Variants in FERMT3 observed in about 807,000 individuals in gnomAD.
The protein encoded by FERMT3 is FERM domain containing kindlin 3.
A neutral mutation model predicts 80.8 loss-of-function variants in FERMT3; 33 were observed. That is an observed-to-expected ratio of 0.41 (90% CI 0.31 to 0.55). The LOEUF is 0.55. Among genes scored for constraint, FERMT3 ranks in the 20% least tolerant of loss-of-function variants. The pLI, the probability that FERMT3 is intolerant of heterozygous loss-of-function variation, is 0.31. For synonymous variants in FERMT3, 375 were observed against 372.2 expected (o/e 1.01, Z -0.09); for missense variants, 754 against 908.7 (o/e 0.83, Z 2.19).
In FERMT3 at chr11:64,220,510, C is replaced by T. The variant is rs1431809719; in HGVS notation, c.1386C>T (p.Tyr462=). Residue 462 remains tyrosine (Y), a synonymous_variant, in exon 12 of 15, where the codon TAC becomes TAT. Coordinates refer to ENST00000345728, the MANE Select transcript of FERMT3 (RefSeq NM_031471.6). ...GCCGCACCATGGCCGACAGCAGCTA[C>T]ACCAGCGAGGTGCAGGCCATCCTGG... is the stretch of plus-strand genomic sequence containing the variant. ...SKGRTMADSS[Y]TSEVQAILAF... is the part of the protein sequence containing the mutation. 1.2e-6 allele frequency: 2 copies of T among 1,608,046 alleles called. No homozygotes were observed. Among genetic ancestry groups the T allele is most frequent in the Non-Finnish European group, 1.7e-6 (2 of 1,177,754 alleles).
chr11:64,220,830 T>C (rs1946665344), intron 12 of FERMT3, 161 bp downstream of exon 12: 1 of 1,306,038 alleles, frequency 7.7e-7, no homozygotes, highest in South Asian at 1.3e-5. Context: ...TTGGGAGGAG[T>C]CACGGTCCAG....
Position 64,221,167 on chromosome 11 carries a change from C to T in FERMT3, c.1670+27C>T, listed in dbSNP as rs373461677. 3.1e-5 allele frequency: 49 copies of T among 1,601,684 alleles called. No individual in the cohort carries two copies. In the African/African-American group the frequency reaches 6.3e-4, roughly 21 times the overall value. On this transcript the variant is annotated intron_variant, in intron 13 of 14. Coordinates refer to ENST00000345728, the MANE Select transcript of FERMT3 (RefSeq NM_031471.6). ...TATGGCCCCTGGCCCAGCCCCCTGC[C>T]CAGCACCGTCTCTGCCCTCACCTGC... is the stretch of plus-strand genomic sequence containing the variant.
chr11:64,218,056 T>G (rs1591036252), intron 6 of FERMT3, among the ~76,000 whole-genome samples: 2 of 142,360 alleles, frequency 1.4e-5, no homozygotes, highest in East Asian at 4.2e-4. Flanking sequence ...CAGGCTGGAG[T>G]GCAGTGGCAC....
intron 6 of FERMT3, among the ~76,000 whole-genome samples, chr11:64,215,835 T>A (rs1349860023): frequency 1.3e-5 from 2 of 151,316 alleles, no homozygotes; most frequent in Non-Finnish European, 3.0e-5. Context: ...AGTTGGGATT[T>A]TTTTTTTTTT....
chr11:64,209,841 C>T (rs1662721847), intron 2 of FERMT3, among the ~76,000 whole-genome samples: 2 of 152,148 alleles, frequency 1.3e-5, no homozygotes, highest in African/African-American at 4.8e-5. Context: ...TTTCCGGCAG[C>T]CTTTTTCCTA....
At chr11:64,217,533 G>A (rs1383615137) in intron 6 of FERMT3, among the ~76,000 whole-genome samples, 1 of 151,904 alleles carries the variant, frequency 6.6e-6, no homozygotes, top group Non-Finnish European at 1.5e-5. Flanking sequence ...TGGGCAACAA[G>A]AGCAAAACTC....
chr11:64,218,245 C>G (rs1401844654), intron 6 of FERMT3, among the ~76,000 whole-genome samples: 4 of 152,098 alleles, frequency 2.6e-5, no homozygotes, highest in Non-Finnish European at 5.9e-5. Context: ...ACCTCGTGAT[C>G]CACCGACCTC....
intron 6 of FERMT3, among the ~76,000 whole-genome samples, chr11:64,214,552 G>T (rs910980233): frequency 6.6e-6 from 1 of 151,908 alleles, no homozygotes; most frequent in Non-Finnish European, 1.5e-5. Flanking sequence ...TCACCATGTT[G>T]GTCAGGCTGG....
At chr11:64,223,291 T>A (rs1440107089) in intron 14 of FERMT3, 22 bp from the exon 15 acceptor site, 1 of 1,613,656 alleles carries the variant, frequency 6.2e-7, no homozygotes, top group East Asian at 2.2e-5. Context: ...ACCCACCATT[T>A]GCCCCTCTGT....
At chr11:64,212,834 T>C (rs948914244) in intron 6 of FERMT3, among the ~76,000 whole-genome samples, 1 of 152,126 alleles carries the variant, frequency 6.6e-6, no homozygotes, top group African/African-American at 2.4e-5. Flanking sequence ...CCACACTCTC[T>C]CCCAGCTGAT....
At position 64,211,319 on chromosome 11, in the gene FERMT3, G is replaced by A; in HGVS notation, c.559G>A (p.Asp187Asn). 6.2e-7 allele frequency: 1 copy of A among 1,613,366 alleles called. No individual in the cohort carries two copies. ...CCGGGGGATGCCAGCTCACTTCTCGGACAGCGCCCAGACTGAGGCCTGCTA... is the reference window on the plus strand; with the variant it reads ...CCGGGGGATGCCAGCTCACTTCTCGAACAGCGCCCAGACTGAGGCCTGCTA... ...LFRGMPAHFS[D>N]SAQTEACYHM... Residue 187 changes from aspartate to asparagine, a missense_variant, in exon 5 of 15, where the codon GAC (aspartate) becomes AAC (asparagine). Transcript: ENST00000345728. The surrounding 1 kb of genome is among the most constrained non-coding windows in gnomAD (Gnocchi z 4.7).
intron 6 of FERMT3, among the ~76,000 whole-genome samples, chr11:64,216,180 G>A (rs1946544658): frequency 6.7e-6 from 1 of 148,438 alleles, no homozygotes; most frequent in Non-Finnish European, 1.5e-5. Context: ...TGAGTGCAGT[G>A]CTTTAGCTCT....
rs1159316549 is a variant in FERMT3 at position 64,210,976 on chromosome 11, C to T, written c.395-76C>T. Reference sequence around the variant, plus strand: ...CCACCCTGCCTGCAGGGCTGTGACCCGCCCCAAGCACCCATGGGTGAGGTG... The same window carrying T: ...CCACCCTGCCTGCAGGGCTGTGACCTGCCCCAAGCACCCATGGGTGAGGTG... On this transcript the variant is annotated intron_variant, in intron 3 of 14. Coordinates refer to ENST00000345728, the MANE Select transcript of FERMT3 (RefSeq NM_031471.6). This position sits in a 1 kb window ranked among gnomAD's most constrained non-coding sequence, Gnocchi z 4.3. 3.3e-5 allele frequency: 53 copies of T among 1,607,148 alleles called. No individual in the cohort carries two copies. Among genetic ancestry groups the T allele is most frequent in the Non-Finnish European group, 4.1e-5 (48 of 1,177,158 alleles).
At chr11:64,214,167 C>CT (rs1946500960) in intron 6 of FERMT3, among the ~76,000 whole-genome samples, 4 of 98,040 alleles carry the variant, frequency 4.1e-5, no homozygotes, top group Non-Finnish European at 6.2e-5. Context: ...TTCATAATTG[C>CT]CTTTTTTTTT....
At chr11:64,221,912 G>A (rs1946691032) in intron 13 of FERMT3, among the ~76,000 whole-genome samples, 1 of 151,752 alleles carries the variant, frequency 6.6e-6, no homozygotes, top group African/African-American at 2.4e-5. Context: ...GGGTGACAGA[G>A]CGAAACTCTG....
rs763449183 is a variant in FERMT3, at chr11:64,220,488, G to A, written c.1364G>A (p.Arg455His). ...MAGCRLASKG[R>H]TMADSSYTSE... ...GGCTGCCGCCTGGCCTCCAAAGGCC[G>A]CACCATGGCCGACAGCAGCTACACC... is the stretch of plus-strand genomic sequence containing the variant. Residue 455 changes from arginine to histidine, a missense_variant, in exon 12 of 15, where the codon CGC becomes CAC. By Grantham distance (29) the Arg-to-His change is conservative. Transcript: ENST00000345728. 28 of 1,608,852 alleles carry A rather than the reference G, an allele frequency of 1.7e-5. No individual in the cohort carries two copies. Among genetic ancestry groups the A allele is most frequent in the African/African-American group, 5.3e-5 (4 of 74,812 alleles).
chr11:64,218,963 A>C (rs529005878), intron 6 of FERMT3, among the ~76,000 whole-genome samples: 3 of 152,322 alleles, frequency 2.0e-5, no homozygotes, highest in African/African-American at 7.2e-5. Context: ...TATTTGACTT[A>C]TTGATTGGTT....
rs751872358 is a variant in FERMT3 at position 64,219,084 on chromosome 11, T to C, written c.787-167T>C. Among the ~76,000 whole-genome samples the C allele has an allele frequency of 1.3e-5, 2 of 152,120 alleles. No homozygotes were observed. Among genetic ancestry groups the C allele is most frequent in the Non-Finnish European group, 2.9e-5 (2 of 67,994 alleles). ...TGGGCAGCAGGGGGCTAGCAGGCTA[T>C]TAAGGATGGGGTTGAGGTCTGTGGC... On this transcript the variant is annotated intron_variant, in intron 6 of 14. Coordinates refer to ENST00000345728, the MANE Select transcript of FERMT3 (RefSeq NM_031471.6). The surrounding 1 kb of genome is among the most constrained non-coding windows in gnomAD (Gnocchi z 4.0).
chr11:64,219,307 G>A lies in FERMT3; in HGVS notation c.843G>A (p.Leu281=), dbSNP rs1471099892. 8 of 1,609,530 alleles carry A rather than the reference G, an allele frequency of 5.0e-6. No homozygotes were observed. The highest frequency in any genetic ancestry group is 1.7e-5 in the Admixed American group (1 of 59,516). Residue 281 remains leucine, a synonymous_variant, in exon 7 of 15, where the codon CTG becomes CTA. Coordinates refer to ENST00000345728, the MANE Select transcript of FERMT3 (RefSeq NM_031471.6). The surrounding 1 kb of genome is among the most constrained non-coding windows in gnomAD (Gnocchi z 4.0). ...LYEQARWDLL[L]EEIDCTEEEM... ...AGCAGGCCCGGTGGGACCTGCTGCTGGAGGAGATTGACTGCACCGAGGAGG... is the reference window on the plus strand; with the variant it reads ...AGCAGGCCCGGTGGGACCTGCTGCTAGAGGAGATTGACTGCACCGAGGAGG...
Sources: gnomAD v4.1 joint callset for allele counts (sites outside exome capture counted in the v4.1 genomes callset) on GRCh38, gnomAD v4.1.1 for gene constraint, Gnocchi (gnomAD v3.1) non-coding constraint, MANE v1.5 for transcripts, NCBI Gene and HGNC (gene_info 2026-07-23, HGNC 2026-07-21) for gene names.